NRG1: variants seen among roughly 807,000 people sequenced by gnomAD.
NRG1 encodes the protein pro-neuregulin-1, membrane-bound isoform.
In NRG1, 18 loss-of-function variants were observed where a neutral mutation model predicts 63.8. The observed-to-expected ratio is 0.28, with a 90% CI of 0.19 to 0.42. NRG1 has a LOEUF of 0.42. Among genes scored for constraint, NRG1 ranks in the 10% least tolerant of loss-of-function variants. The probability of loss-of-function intolerance (pLI) is 1.00; values close to 1 mark genes in which losing one functional copy is unlikely to be tolerated. For synonymous variants in NRG1, 302 were observed against 301.3 expected, an observed-to-expected ratio of 1.00 and a Z score of -0.02; for missense variants, 762 against 814.7, an observed-to-expected ratio of 0.94 and a Z score of 0.79.
chr8:31,737,281 A>G (rs1452827343), intron 1 of NRG1, among the ~76,000 whole-genome samples: 1 of 151,974 alleles, frequency 6.6e-6, no homozygotes, highest in Non-Finnish European at 1.5e-5. Context: ...TTTTCCCCAA[A>G]TCCAAGACTG....
chr8:32,254,095 G>A (rs1472494915), intron 1 of NRG1, among the ~76,000 whole-genome samples: 3 of 151,852 alleles, frequency 2.0e-5, no homozygotes, highest in Non-Finnish European at 2.9e-5. Context: ...TTCTTTATTA[G>A]TCTGGCTAGT....
intron 1 of NRG1, among the ~76,000 whole-genome samples, chr8:32,493,238 CAT>C (rs1826809559): frequency 6.6e-6 from 1 of 152,068 alleles, no homozygotes; most frequent in Non-Finnish European, 1.5e-5. Flanking sequence ...GACTCGCACC[CAT>C]TAGAACAAAT....
At chr8:31,643,026 AT>A (rs1803955163) in intron 1 of NRG1, among the ~76,000 whole-genome samples, 1 of 151,990 alleles carries the variant, frequency 6.6e-6, no homozygotes, top group African/African-American at 2.4e-5. Context: ...GAATGTGTGA[AT>A]TCATCCAGTT....
chr8:32,440,956 G>C (rs189110876), intron 1 of NRG1, among the ~76,000 whole-genome samples: 8 of 152,256 alleles, frequency 5.3e-5, no homozygotes, highest in Non-Finnish European at 7.4e-5. Flanking sequence ...ATTTGACATA[G>C]AATTGTGTAT....
intron 1 of NRG1, among the ~76,000 whole-genome samples, chr8:31,991,419 CATT>C (rs1036424135): frequency 6.6e-6 from 1 of 151,780 alleles, no homozygotes; most frequent in African/African-American, 2.4e-5. Context: ...TCTTCATCAT[CATT>C]ATCTCATCAT....
intron 1 of NRG1, among the ~76,000 whole-genome samples, chr8:32,311,735 A>C (rs553642233): frequency 7.7e-4 from 118 of 152,276 alleles, no homozygotes; most frequent in Non-Finnish European, 1.5e-3. Flanking sequence ...GCATCCCCAG[A>C]ACCTAGCACA....
At chr8:31,933,889 T>C (rs1157760528) in intron 1 of NRG1, among the ~76,000 whole-genome samples, 1 of 152,128 alleles carries the variant, frequency 6.6e-6, no homozygotes, top group Non-Finnish European at 1.5e-5. Context: ...TATTTTATAA[T>C]ACCAACCAGA....
chr8:32,524,776 G>C (rs1830662806), intron 1 of NRG1, among the ~76,000 whole-genome samples: 1 of 152,064 alleles, frequency 6.6e-6, no homozygotes, highest in Admixed American at 6.5e-5. Context: ...GTTTGTTCTT[G>C]TGTCATCCCA....
intron 1 of NRG1, among the ~76,000 whole-genome samples, chr8:32,228,422 T>C (rs948637709): frequency 2.6e-5 from 4 of 152,250 alleles, no homozygotes; most frequent in African/African-American, 9.6e-5. Context: ...TTTATGTTTC[T>C]ACTACTTTTC....
At chr8:32,360,181 A>C (rs904153434) in intron 1 of NRG1, among the ~76,000 whole-genome samples, 1 of 152,320 alleles carries the variant, frequency 6.6e-6, no homozygotes, top group Non-Finnish European at 1.5e-5. Context: ...CCATGTTTCC[A>C]GGGGCCAAAC....
intron 1 of NRG1, among the ~76,000 whole-genome samples, chr8:32,161,120 G>C (rs920481999): frequency 6.6e-6 from 1 of 151,984 alleles, no homozygotes; most frequent in Non-Finnish European, 1.5e-5. Context: ...TCTCAAGCAG[G>C]GAGTTCTAAC....
intron 1 of NRG1, among the ~76,000 whole-genome samples, chr8:31,902,741 A>C (rs1832191199): frequency 2.0e-5 from 3 of 152,236 alleles, no homozygotes; most frequent in Non-Finnish European, 4.4e-5. Context: ...ATATTTTTAC[A>C]ATTAAAAAGT....
At chr8:31,830,368 TC>T (rs1825018527) in intron 1 of NRG1, among the ~76,000 whole-genome samples, 1 of 148,214 alleles carries the variant, frequency 6.7e-6, no homozygotes, top group Non-Finnish European at 1.5e-5. Flanking sequence ...CTTCCCTCCT[TC>T]CCTCCTTCCC....
intron 1 of NRG1, among the ~76,000 whole-genome samples, chr8:32,294,256 C>T (rs569794546): frequency 1.2e-4 from 19 of 152,056 alleles, no homozygotes; most frequent in Non-Finnish European, 2.6e-4. Context: ...GGGCAGAAAA[C>T]GCATTTTAGT....
intron 7 of NRG1, among the ~76,000 whole-genome samples, chr8:32,746,027 A>G (rs947323013): frequency 2.0e-5 from 3 of 152,176 alleles, no homozygotes; most frequent in African/African-American, 7.2e-5. Flanking sequence ...CTTGTTCATC[A>G]AACATGTATC....
intron 1 of NRG1, among the ~76,000 whole-genome samples, chr8:32,415,365 C>CAAAA (rs5890647): frequency 8.7e-6 from 1 of 115,324 alleles, no homozygotes; most frequent in African/African-American, 3.5e-5. Context: ...GACTCTGTCT[C>CAAAA]AAAAAAAAAA....
chr8:31,650,589 G>A (rs1804735611), intron 1 of NRG1, among the ~76,000 whole-genome samples: 1 of 152,138 alleles, frequency 6.6e-6, no homozygotes, highest in African/African-American at 2.4e-5. Context: ...AATGAAACTA[G>A]TAATGATTCC....
At position 31,826,097 on chromosome 8, in the gene NRG1, G is replaced by C. The variant is rs76855043; in HGVS notation, c.37+186666G>C. 6.6e-5 allele frequency among the ~76,000 whole-genome samples: 10 copies of C among 152,218 alleles called. No homozygotes were observed. The South Asian group carries it at 1.0e-3, about 16-fold the overall frequency. On this transcript the variant is annotated intron_variant, in intron 1 of 10. Transcript: ENST00000519301. ...AGAACCCTGTTTTTGAGTCATGCAC[G>C]TTGCCAGCTGGGATAAAAGGCTACA...
At chr8:32,748,376 G>C (rs1284525732) in intron 7 of NRG1, among the ~76,000 whole-genome samples, 38 of 151,716 alleles carry the variant, frequency 2.5e-4, no homozygotes, top group East Asian at 1.9e-4. Context: ...GAGAGAGAGA[G>C]AGAGAGAGAG....
Sources: gnomAD v4.1 joint callset for allele counts (sites outside exome capture counted in the v4.1 genomes callset) on GRCh38, gnomAD v4.1.1 for gene constraint, MANE v1.5 for transcripts, NCBI Gene and HGNC (gene_info 2026-07-23, HGNC 2026-07-21) for gene names.